The following RNF150 variants were observed in gnomAD, a reference collection of about 807,000 sequenced individuals.
RNF150 encodes the protein ring finger protein 150.
RNF150 carries 24 observed loss-of-function variants against 39.3 expected under a neutral mutation model. The observed-to-expected ratio is 0.61, with a 90% confidence interval of 0.44 to 0.86. The LOEUF is 0.86. Among genes scored for constraint, RNF150 ranks in the 40% least tolerant of loss-of-function variants. The pLI, the probability that RNF150 is intolerant of heterozygous loss-of-function variation, is 0.00. For synonymous variants in RNF150, 255 were observed against 227.3 expected (o/e 1.12, Z -1.10); for missense variants, 502 against 587.8 (o/e 0.85, Z 1.51).
chr4:140,885,383 TATATA>T (rs990588685), intron 6 of RNF150, among the ~76,000 whole-genome samples: 24 of 144,252 alleles, frequency 1.7e-4, no homozygotes, highest in African/African-American at 5.8e-4. Flanking sequence ...ATATATATTA[TATATA>T]ATATATTATA....
chr4:140,955,163 T>C (rs1176003717), intron 2 of RNF150, among the ~76,000 whole-genome samples: 3 of 152,244 alleles, frequency 2.0e-5, no homozygotes, highest in East Asian at 1.9e-4. Flanking sequence ...GTTGATATGA[T>C]AGAAGTCATA....
chr4:141,002,850 G>T (rs913540688), intron 1 of RNF150, among the ~76,000 whole-genome samples: 1 of 139,300 alleles, frequency 7.2e-6, no homozygotes, highest in African/African-American at 2.7e-5. Flanking sequence ...AATGAAGTCA[G>T]CTTTAAGGTC....
intron 1 of RNF150, among the ~76,000 whole-genome samples, chr4:141,078,438 T>C (rs1209489861): frequency 9.2e-5 from 14 of 152,130 alleles, no homozygotes; most frequent in Admixed American, 9.2e-4. Flanking sequence ...GTTAATCTAT[T>C]ACCAGGCTTG....
chr4:141,118,754 T>C (rs34693095), intron 1 of RNF150, among the ~76,000 whole-genome samples: 8 of 152,090 alleles, frequency 5.3e-5, no homozygotes, highest in African/African-American at 1.9e-4. Context: ...GTTTGTTTGA[T>C]TGAGTGAGTG....
At chr4:141,113,921 TG>T (rs1560745670) in intron 1 of RNF150, among the ~76,000 whole-genome samples, 1 of 151,794 alleles carries the variant, frequency 6.6e-6, no homozygotes, top group Non-Finnish European at 1.5e-5. Flanking sequence ...GAATGACTAC[TG>T]GGTAAATAGG....
intron 6 of RNF150, among the ~76,000 whole-genome samples, chr4:140,905,879 A>G (rs1437554770): frequency 6.6e-6 from 1 of 152,068 alleles, no homozygotes; most frequent in Non-Finnish European, 1.5e-5. Context: ...AGTGTCCTAG[A>G]GGTGAATGGG....
chr4:140,976,595 C>T (rs1733673413), intron 1 of RNF150, among the ~76,000 whole-genome samples: 1 of 151,906 alleles, frequency 6.6e-6, no homozygotes, highest in African/African-American at 2.4e-5. Context: ...TTTTCCAGTG[C>T]CACTTCCTCT....
At chr4:140,880,533 C>T (rs1281546062) in intron 6 of RNF150, among the ~76,000 whole-genome samples, 6 of 150,446 alleles carry the variant, frequency 4.0e-5, no homozygotes, top group Non-Finnish European at 8.9e-5. Flanking sequence ...TAGAAGTGTC[C>T]CCTCCTCTCC....
intron 1 of RNF150, among the ~76,000 whole-genome samples, chr4:141,112,643 G>C (rs1241266364): frequency 6.6e-6 from 1 of 152,084 alleles, no homozygotes; most frequent in Non-Finnish European, 1.5e-5. Flanking sequence ...TCTTCTCTCT[G>C]GCTGCCCTTA....
intron 5 of RNF150, among the ~76,000 whole-genome samples, chr4:140,913,898 C>G (rs1263437975): frequency 1.3e-5 from 2 of 152,126 alleles, no homozygotes; most frequent in African/African-American, 4.8e-5. Flanking sequence ...CTGTAAAGTT[C>G]TATTTAAAGG....
At chr4:141,210,733 A>C (rs1478133923) in intron 1 of RNF150, among the ~76,000 whole-genome samples, 2 of 151,882 alleles carry the variant, frequency 1.3e-5, no homozygotes, top group Admixed American at 6.6e-5. Context: ...CTGGTTTCCT[A>C]CTTAATATCA....
Position 141,072,719 on chromosome 4 carries a change from C to T in RNF150, c.484+59606G>A, listed in dbSNP as rs186827151. ...TGTGAAAAGTGCACATTGAATTTAC[C>T]ATCCCTATGAAAAGTAATTTCAGTT... On this transcript the variant is annotated intron_variant, in intron 1 of 6. Transcript: ENST00000515673. Among the ~76,000 whole-genome samples, 253 of 151,980 alleles carry T rather than the reference C, an allele frequency of 1.7e-3. 4 individuals are homozygous for T. The highest frequency in any genetic ancestry group is 5.0e-4 in the Non-Finnish European group (34 of 67,956).
At position 140,868,218 on chromosome 4, in the gene RNF150, T is replaced by C. The variant is rs776152833; in HGVS notation, c.*43A>G. ...AGTCTTGGAGCACTCTTCCCTTCCTTTCCCTTGGGTCCTACTATCTCTTTG... is the reference window on the plus strand; with the variant it reads ...AGTCTTGGAGCACTCTTCCCTTCCTCTCCCTTGGGTCCTACTATCTCTTTG... On this transcript the variant is annotated 3_prime_UTR_variant, in exon 7 of 7. Coordinates refer to ENST00000515673, the MANE Select transcript of RNF150 (RefSeq NM_020724.2). The C allele has an allele frequency of 3.5e-6, 4 of 1,158,660 alleles. 1 individual carries two copies. In the South Asian group the frequency reaches 4.9e-5, roughly 14 times the overall value. 71.8% of individuals were successfully genotyped at this position (1,158,660 alleles called of 1,614,324 possible).
At chr4:141,099,311 AC>A (rs1738918623) in intron 1 of RNF150, among the ~76,000 whole-genome samples, 1 of 152,180 alleles carries the variant, frequency 6.6e-6, no homozygotes, top group African/African-American at 2.4e-5. Flanking sequence ...GTGCTCTGCA[AC>A]CAAGCAGTAG....
At chr4:140,988,349 C>T (rs999430254) in intron 1 of RNF150, among the ~76,000 whole-genome samples, 1 of 152,082 alleles carries the variant, frequency 6.6e-6, no homozygotes, top group Non-Finnish European at 1.5e-5. Context: ...TGGAATCAAC[C>T]TAGGTGTCCA....
Position 141,045,838 on chromosome 4 carries a change from C to T in RNF150, c.485-77965G>A, listed in dbSNP as rs74851055. Among the ~76,000 whole-genome samples, 937 of 152,228 alleles carry T rather than the reference C, an allele frequency of 6.2e-3. 32 individuals carry two copies. Among genetic ancestry groups the T allele is most frequent in the Admixed American group, 0.046 (707 of 15,280 alleles). On this transcript the variant is annotated intron_variant, in intron 1 of 6. Transcript: ENST00000515673. Reference sequence around the variant, plus strand: ...AGATTACAGGCATGAGCCACAGCGCCTGGCCTAGGAACACATTCTTATTAA... The same window carrying T: ...AGATTACAGGCATGAGCCACAGCGCTTGGCCTAGGAACACATTCTTATTAA...
chr4:140,949,342 T>A lies in RNF150; in HGVS notation c.766A>T (p.Ile256Phe). The change falls in exon 3 of 7, where the codon ATC becomes TTC. Residue 256 changes from isoleucine (I) to phenylalanine (F), a missense_variant. Physicochemically the swap from Ile to Phe is conservative, Grantham distance 21. Transcript: ENST00000515673. Reference sequence around the variant, plus strand: ...ATGGTCCTGATCTGGAGTTTGCTGATGGCTTTCTTTGCTGCATCCCCCAGT... The same window carrying A: ...ATGGTCCTGATCTGGAGTTTGCTGAAGGCTTTCTTTGCTGCATCCCCCAGT... ...RRLGDAAKKA[I>F]SKLQIRTIKK... 1 of 1,613,418 alleles carries A rather than the reference T, an allele frequency of 6.2e-7. No homozygotes were observed. The highest frequency in any genetic ancestry group is 8.5e-7 in the Non-Finnish European group (1 of 1,179,592).
chr4:141,008,713 T>C (rs890114889), intron 1 of RNF150, among the ~76,000 whole-genome samples: 5 of 152,184 alleles, frequency 3.3e-5, no homozygotes, highest in Admixed American at 6.5e-5. Context: ...TGACCATGTA[T>C]GTTCTGCTCT....
chr4:141,070,716 A>C (rs999516928), intron 1 of RNF150, among the ~76,000 whole-genome samples: 2 of 122,518 alleles, frequency 1.6e-5, no homozygotes, highest in Admixed American at 8.4e-5. Flanking sequence ...GGCAATCATT[A>C]AAAAGTCAGG....
Sources: allele counts gnomAD v4.1 joint callset (sites outside exome capture counted in the v4.1 genomes callset), GRCh38; gene constraint gnomAD v4.1.1; transcripts MANE v1.5; gene names NCBI Gene and HGNC (gene_info 2026-07-23, HGNC 2026-07-21).